The following ZNF679 variants were observed in gnomAD, a reference collection of about 807,000 sequenced individuals.
The protein encoded by ZNF679 is hypothetical protein MGC42415.
In ZNF679, 10 loss-of-function variants were observed where a neutral mutation model predicts 13.4. The observed-to-expected ratio is 0.75, with a 90% CI of 0.46 to 1.27. The LOEUF (loss-of-function observed/expected upper bound fraction) is 1.27, where lower values mean the gene tolerates loss of function less well. Ranked by LOEUF, ZNF679 falls within the 50% of genes most tolerant of loss-of-function variation. ZNF679 has a pLI of 0.00. For synonymous variants in ZNF679, 179 were observed against 162.5 expected (o/e 1.10, Z -0.77); for missense variants, 525 against 477.8 (o/e 1.10, Z -0.92).
chr7:64,246,702 G>C (rs539656968), intron 1 of ZNF679, among the ~76,000 whole-genome samples: 8 of 151,934 alleles, frequency 5.3e-5, no homozygotes, highest in African/African-American at 1.9e-4. Flanking sequence ...CAGCCTGGGT[G>C]ACTGAGCAGG....
intron 2 of ZNF679, among the ~76,000 whole-genome samples, chr7:64,254,660 T>A (rs904524946): frequency 6.6e-6 from 1 of 152,134 alleles, no homozygotes; most frequent in African/African-American, 2.4e-5. Context: ...GAAGCATAGA[T>A]GAGTCCCCGG....
At chr7:64,261,653 A>G (rs146062477) in intron 4 of ZNF679, among the ~76,000 whole-genome samples, 243 of 152,106 alleles carry the variant, frequency 1.6e-3, no homozygotes, top group African/African-American at 5.7e-3. Flanking sequence ...ATAGACTTCA[A>G]TTTCTTTACA....
chr7:64,252,558 G>T (rs564581266), intron 2 of ZNF679, among the ~76,000 whole-genome samples: 1 of 152,262 alleles, frequency 6.6e-6, no homozygotes, highest in South Asian at 2.1e-4. Context: ...GAAATAATAT[G>T]AAAAATGTCT....
At chr7:64,236,863 A>AG in intron 1 of ZNF679, among the ~76,000 whole-genome samples, 1 of 146,212 alleles carries the variant, frequency 6.8e-6, no homozygotes, top group Admixed American at 7.2e-5. Flanking sequence ...AAGAAAGAAA[A>AG]AAAGAAAGAA....
intron 1 of ZNF679, among the ~76,000 whole-genome samples, chr7:64,248,592 T>A (rs1787899338): frequency 6.6e-6 from 1 of 152,052 alleles, no homozygotes. Context: ...GAATTACAAT[T>A]TGAGATGAGA....
intron 1 of ZNF679, among the ~76,000 whole-genome samples, chr7:64,233,084 T>A (rs1787661850): frequency 6.6e-6 from 1 of 151,690 alleles, no homozygotes; most frequent in African/African-American, 2.4e-5. Context: ...CTACTAAAAA[T>A]ACAAAAATTA....
intron 1 of ZNF679, among the ~76,000 whole-genome samples, chr7:64,229,351 GACA>G (rs1162903060): frequency 3.3e-5 from 5 of 152,154 alleles, no homozygotes; most frequent in Admixed American, 3.3e-4. Flanking sequence ...GTAACAGTGA[GACA>G]ACGTCTCTTC....
chr7:64,251,294 A>C (rs1244727001), intron 2 of ZNF679, among the ~76,000 whole-genome samples: 1 of 152,070 alleles, frequency 6.6e-6, no homozygotes, highest in Non-Finnish European at 1.5e-5. Flanking sequence ...TCTACTAAAA[A>C]TACAAAAAAA....
chr7:64,250,454 A>C (rs1441846227), intron 2 of ZNF679, among the ~76,000 whole-genome samples: 2 of 145,646 alleles, frequency 1.4e-5, no homozygotes, highest in Admixed American at 1.4e-4. Context: ...ATTTTTAGTA[A>C]AGATAGAGTT....
At chr7:64,265,831 G>A (rs1389600899) in intron 4 of ZNF679, 65 bp from the exon 5 acceptor site, 10 of 1,515,888 alleles carry the variant, frequency 6.6e-6, no homozygotes, top group African/African-American at 1.4e-5. Flanking sequence ...TTATATATTC[G>A]ATTTGTAAAG....
chr7:64,239,980 C>T (rs947766519), intron 1 of ZNF679, among the ~76,000 whole-genome samples: 4 of 152,186 alleles, frequency 2.6e-5, no homozygotes, highest in Non-Finnish European at 4.4e-5. Context: ...CTAGGCCCAT[C>T]GCCTAGGTGA....
rs143549230 is a variant in ZNF679 at position 64,260,761 on chromosome 7, C to T, written c.167-73C>T. On this transcript the variant is annotated intron_variant, in intron 3 of 4. Transcript: ENST00000421025. The stretch of plus-strand genomic sequence containing the variant: ...AGAATTTTCTATTATATCCTCTTTA[C>T]TAAGCATAATACTCGTTTGGTAATT... 7.5e-3 allele frequency: 10,680 copies of T among 1,430,368 alleles called. 50 individuals are homozygous for T. Among genetic ancestry groups the T allele is most frequent in the Non-Finnish European group, 8.9e-3 (9,480 of 1,059,820 alleles). The allele number at this position is 1,430,368 out of a possible 1,614,324, so 88.6% of individuals were successfully genotyped here.
At chr7:64,244,377 C>T (rs1787839023) in intron 1 of ZNF679, among the ~76,000 whole-genome samples, 1 of 152,008 alleles carries the variant, frequency 6.6e-6, no homozygotes, top group South Asian at 2.1e-4. Context: ...GACTTTTGAA[C>T]TTTACTAACA....
In ZNF679 at chr7:64,249,050, G is replaced by C. The variant is rs1787906806; in HGVS notation, c.-68G>C. On this transcript the variant is annotated 5_prime_UTR_variant, in exon 2 of 5. Coordinates refer to ENST00000421025, the MANE Select transcript of ZNF679 (RefSeq NM_153363.3). ...CAGAGCTCCAGTTCTTCTCTTCACT[G>C]CTCTGCGTCCTCTGTTCCTAGAGGC... The C allele has an allele frequency of 6.2e-7, 1 of 1,608,726 alleles. No individual in the cohort carries two copies. The highest frequency in any genetic ancestry group is 8.5e-7 in the Non-Finnish European group (1 of 1,176,914).
At chr7:64,252,061 C>G (rs530870754) in intron 2 of ZNF679, among the ~76,000 whole-genome samples, 2 of 152,170 alleles carry the variant, frequency 1.3e-5, no homozygotes, top group African/African-American at 4.8e-5. Flanking sequence ...GCAAGAAAAA[C>G]TGACCCCAAT....
At chr7:64,244,070 T>A (rs1459055519) in intron 1 of ZNF679, among the ~76,000 whole-genome samples, 3 of 152,038 alleles carry the variant, frequency 2.0e-5, no homozygotes, top group Non-Finnish European at 4.4e-5. Context: ...ACCAATATGG[T>A]GAAACTTGGT....
At chr7:64,234,949 C>T (rs929113492) in intron 1 of ZNF679, among the ~76,000 whole-genome samples, 8 of 152,206 alleles carry the variant, frequency 5.3e-5, no homozygotes, top group East Asian at 1.9e-4. Context: ...GCGATTCTTG[C>T]GCCTCAGCCT....
At chr7:64,255,898 C>T (rs1265716868) in intron 2 of ZNF679, among the ~76,000 whole-genome samples, 6 of 152,074 alleles carry the variant, frequency 3.9e-5, no homozygotes, top group Admixed American at 6.6e-5. Context: ...TGTGAGCCAC[C>T]GCGCCTGGCA....
At position 64,263,353 on chromosome 7, in the gene ZNF679, A is replaced by G. The variant is rs537068376; in HGVS notation, c.262+2424A>G. On this transcript the variant is annotated intron_variant, in intron 4 of 4. Coordinates refer to ENST00000421025, the MANE Select transcript of ZNF679 (RefSeq NM_153363.3). The stretch of plus-strand genomic sequence containing the variant: ...TGATCCTTCCACCTTGGCCTCCCAA[A>G]GTGCTGAGAGTACACCTGTGAGCCA... 2.6e-5 allele frequency among the ~76,000 whole-genome samples: 4 copies of G among 152,268 alleles called. 1 individual carries two copies. In the South Asian group the frequency reaches 6.2e-4, roughly 24 times the overall value.
Sources: gnomAD v4.1 joint callset for allele counts (sites outside exome capture counted in the v4.1 genomes callset) on GRCh38, gnomAD v4.1.1 for gene constraint, MANE v1.5 for transcripts, NCBI Gene and HGNC (gene_info 2026-07-23, HGNC 2026-07-21) for gene names.